DENND2B: variants seen among roughly 807,000 people sequenced by gnomAD.
DENND2B encodes DENN domain-containing protein 2B.
DENND2B carries 32 observed loss-of-function variants against 116.0 expected under a neutral mutation model. The ratio of observed to expected loss-of-function variants is 0.28; its 90% CI spans 0.21 to 0.37. The LOEUF is 0.37. Among genes scored for constraint, DENND2B ranks in the 10% least tolerant of loss-of-function variants. DENND2B has a pLI of 1.00. For synonymous variants in DENND2B, 588 were observed against 583.9 expected, an observed-to-expected ratio of 1.01 and a Z score of -0.10; for missense variants, 1,276 against 1,477.7, an observed-to-expected ratio of 0.86 and a Z score of 2.24.
rs962474331 is a variant in DENND2B at position 8,712,747 on chromosome 11, T to C, written c.1988-12A>G. 1.2e-5 allele frequency: 19 copies of C among 1,603,832 alleles called. No individual in the cohort carries two copies. The highest frequency in any genetic ancestry group is 1.4e-5 in the Non-Finnish European group (17 of 1,174,928). On this transcript the variant is annotated splice_polypyrimidine_tract_variant and intron_variant, in intron 8 of 19. Coordinates refer to ENST00000313726, the MANE Select transcript of DENND2B (RefSeq NM_213618.2). This position sits in a 1 kb window ranked among gnomAD's most constrained non-coding sequence, Gnocchi z 4.4. Reference sequence around the variant, plus strand: ...GCGCTGTGTGTGGGCTGGAGGCAGGTTGCACATCAGGGAATGGACCCTCAC... The same window carrying C: ...GCGCTGTGTGTGGGCTGGAGGCAGGCTGCACATCAGGGAATGGACCCTCAC...
chr11:8,781,516 T>G (rs879736438), intron 1 of DENND2B, among the ~76,000 whole-genome samples: 2 of 152,136 alleles, frequency 1.3e-5, no homozygotes, highest in Non-Finnish European at 2.9e-5. Flanking sequence ...ATGATAAAAC[T>G]ATTCCCAGAG....
intron 1 of DENND2B, among the ~76,000 whole-genome samples, chr11:8,899,156 C>T (rs1246825364): frequency 1.3e-5 from 2 of 151,356 alleles, no homozygotes; most frequent in Admixed American, 6.6e-5. Flanking sequence ...AGAGATTATA[C>T]AATTTGAAGA....
intron 4 of DENND2B, among the ~76,000 whole-genome samples, chr11:8,838,009 C>T (rs2062495201): frequency 6.6e-6 from 1 of 152,218 alleles, no homozygotes; most frequent in South Asian, 2.1e-4. Context: ...CGTGTGGACC[C>T]ACAGCAAGCC....
intron 1 of DENND2B, among the ~76,000 whole-genome samples, chr11:8,802,876 T>C (rs1456534656): frequency 2.0e-5 from 3 of 152,208 alleles, no homozygotes; most frequent in Non-Finnish European, 4.4e-5. Flanking sequence ...GCCCTACGCA[T>C]TGGAGAACAA....
chr11:8,749,735 C>T (rs2051998845), intron 2 of DENND2B, among the ~76,000 whole-genome samples: 1 of 152,230 alleles, frequency 6.6e-6, no homozygotes. Context: ...GCTAAGCATC[C>T]TTCTCATAGC....
chr11:8,750,993 A>G (rs2052326480), intron 1 of DENND2B, among the ~76,000 whole-genome samples: 1 of 151,906 alleles, frequency 6.6e-6, no homozygotes, highest in East Asian at 1.9e-4. Context: ...GAACACACCA[A>G]TCAGCACCCT....
At chr11:8,859,434 A>G (rs1220196450) in intron 2 of DENND2B, among the ~76,000 whole-genome samples, 1 of 152,178 alleles carries the variant, frequency 6.6e-6, no homozygotes, top group South Asian at 2.1e-4. Flanking sequence ...CAGCCTCCCG[A>G]GTAGCTGGGA....
chr11:8,792,003 C>T (rs921826145), intron 1 of DENND2B, among the ~76,000 whole-genome samples: 1 of 151,646 alleles, frequency 6.6e-6, no homozygotes, highest in African/African-American at 2.4e-5. Context: ...TCAAGGAGTT[C>T]AAGACCAGCC....
intron 1 of DENND2B, among the ~76,000 whole-genome samples, chr11:8,801,474 C>T (rs149251418): frequency 5.9e-5 from 9 of 152,008 alleles, no homozygotes; most frequent in East Asian, 1.9e-4. Context: ...CTCAGGAGTT[C>T]GAGACCAGCC....
chr11:8,704,758 C>G (rs757507407), intron 13 of DENND2B, among the ~76,000 whole-genome samples: 1 of 152,122 alleles, frequency 6.6e-6, no homozygotes, highest in Admixed American at 6.5e-5. Flanking sequence ...AGTGCAGTGG[C>G]GCAATCTTGA....
At chr11:8,715,384 A>G in intron 6 of DENND2B, 1 of 572,202 alleles carries the variant, frequency 1.7e-6, no homozygotes, top group Non-Finnish European at 3.1e-6. Context: ...TCCTTCCTCT[A>G]ACATCTGAGC....
chr11:8,820,122 G>C (rs1415251727), intron 4 of DENND2B, among the ~76,000 whole-genome samples: 1 of 152,180 alleles, frequency 6.6e-6, no homozygotes, highest in Non-Finnish European at 1.5e-5. Flanking sequence ...CTACACCCAA[G>C]AAAAGTCGCC....
chr11:8,710,791 ACACC>A (rs778041856), intron 11 of DENND2B, 50 bp downstream of exon 11: 30 of 1,338,732 alleles, frequency 2.2e-5, no homozygotes, highest in Non-Finnish European at 3.1e-5. Flanking sequence ...ACACACACAC[ACACC>A]CTGGCCTATC....
intron 1 of DENND2B, among the ~76,000 whole-genome samples, chr11:8,801,758 C>T (rs578007787): frequency 1.3e-5 from 2 of 151,110 alleles, no homozygotes; most frequent in South Asian, 2.1e-4. Flanking sequence ...AATCCCAACA[C>T]CTTGGAAAGC....
intron 2 of DENND2B, among the ~76,000 whole-genome samples, chr11:8,743,181 T>C (rs2050541027): frequency 6.6e-6 from 1 of 152,144 alleles, no homozygotes; most frequent in African/African-American, 2.4e-5. Flanking sequence ...TTATATAATT[T>C]ATTGTACTTT....
chr11:8,899,816 T>C (rs1289452821), intron 1 of DENND2B, among the ~76,000 whole-genome samples: 10 of 152,204 alleles, frequency 6.6e-5, no homozygotes, highest in Non-Finnish European at 8.8e-5. Flanking sequence ...TCTATACATA[T>C]GTTTCTCACT....
At chr11:8,889,091 A>T (rs2063994757) in intron 1 of DENND2B, among the ~76,000 whole-genome samples, 1 of 152,236 alleles carries the variant, frequency 6.6e-6, no homozygotes, top group African/African-American at 2.4e-5. Flanking sequence ...ATACCCAAAA[A>T]ATTGAAACCA....
chr11:8,838,647 T>A (rs564760448), intron 4 of DENND2B, among the ~76,000 whole-genome samples: 2 of 151,966 alleles, frequency 1.3e-5, no homozygotes, highest in African/African-American at 4.8e-5. Context: ...AGCAGATGGG[T>A]GACAAAAGAG....
rs145873601 is a variant in DENND2B, at chr11:8,717,896, C to T, written c.1478-4G>A. The T allele has an allele frequency of 1.2e-5, 20 of 1,607,462 alleles. No homozygotes were observed. In the East Asian group the frequency reaches 4.3e-4, roughly 34 times the overall value. ...GGATTCTCCTTGGGCAGATCTCCTG[C>T]AGAGGAGGAAGAGTTAGAGAAGGGG... is the stretch of plus-strand genomic sequence containing the variant. On this transcript the variant is annotated splice_region_variant and splice_polypyrimidine_tract_variant and intron_variant, in intron 4 of 19. Coordinates refer to ENST00000313726, the MANE Select transcript of DENND2B (RefSeq NM_213618.2).
Sources: allele counts gnomAD v4.1 joint callset (sites outside exome capture counted in the v4.1 genomes callset), GRCh38; gene constraint gnomAD v4.1.1; non-coding constraint Gnocchi (gnomAD v3.1); transcripts MANE v1.5; gene names NCBI Gene and HGNC (gene_info 2026-07-23, HGNC 2026-07-21).